Variants in CSMD1 observed in about 807,000 individuals in gnomAD.
CSMD1 encodes the protein CUB and sushi domain-containing protein 1.
Under a neutral mutation model 417.5 loss-of-function variants are expected in CSMD1, and 213 were observed. That is an observed-to-expected ratio of 0.51 (90% confidence interval 0.46 to 0.57). The LOEUF is 0.57. Among genes scored for constraint, CSMD1 ranks in the 20% least tolerant of loss-of-function variants. The probability of loss-of-function intolerance (pLI) is 0.00; values close to 1 mark genes in which losing one functional copy is unlikely to be tolerated. For missense variants in CSMD1, 6,923 were observed against 4,529.7 expected (o/e 1.53, Z -15.17); for synonymous variants, 2,862 against 1,736.8 (o/e 1.65, Z -16.11).
chr8:4,038,745 G>A (rs190207342), intron 3 of CSMD1, among the ~76,000 whole-genome samples: 5 of 152,310 alleles, frequency 3.3e-5, no homozygotes, highest in Non-Finnish European at 7.3e-5. Flanking sequence ...TGCGCCCAAT[G>A]CAGACATTTG....
intron 3 of CSMD1, among the ~76,000 whole-genome samples, chr8:4,401,951 T>C (rs903492898): frequency 7.9e-5 from 12 of 152,116 alleles, no homozygotes; most frequent in Admixed American, 7.2e-4. Flanking sequence ...CTCCCGTGCA[T>C]TTGATACACT....
At chr8:4,824,453 A>G (rs1799699431) in intron 1 of CSMD1, among the ~76,000 whole-genome samples, 1 of 152,170 alleles carries the variant, frequency 6.6e-6, no homozygotes, top group Non-Finnish European at 1.5e-5. Context: ...GTATAATTAA[A>G]GAAGACTATT....
intron 6 of CSMD1, among the ~76,000 whole-genome samples, chr8:3,713,018 G>A (rs1223547355): frequency 2.6e-5 from 4 of 152,006 alleles, no homozygotes; most frequent in Non-Finnish European, 4.4e-5. Flanking sequence ...AAACCAAGAA[G>A]TATGTGAGGT....
At chr8:4,540,435 G>T (rs1444948176) in intron 2 of CSMD1, among the ~76,000 whole-genome samples, 2 of 152,158 alleles carry the variant, frequency 1.3e-5, no homozygotes, top group Non-Finnish European at 2.9e-5. Context: ...GGGTGCAGTG[G>T]CTCATGCCTG....
At chr8:3,218,583 T>G (rs1489599598) in intron 29 of CSMD1, among the ~76,000 whole-genome samples, 1 of 129,046 alleles carries the variant, frequency 7.7e-6, no homozygotes, top group Non-Finnish European at 1.7e-5. Flanking sequence ...AAAAAGAAAT[T>G]ATTTTTGGCT....
At position 4,467,609 on chromosome 8, in the gene CSMD1, A is replaced by G. The variant is rs117218609; in HGVS notation, c.303-47544T>C. ...CTCCCTTTTCAAGAGTCAGTGCATT[A>G]TAACAATTCTTTTCAGTTTTCTGAA... is the stretch of plus-strand genomic sequence containing the variant. On this transcript the variant is annotated intron_variant, in intron 2 of 69. Transcript: ENST00000635120. 8.1e-4 allele frequency among the ~76,000 whole-genome samples: 124 copies of G among 152,350 alleles called. 2 individuals are homozygous for G. Among genetic ancestry groups the G allele is most frequent in the African/African-American group, 2.7e-3 (111 of 41,578 alleles).
intron 1 of CSMD1, among the ~76,000 whole-genome samples, chr8:4,729,667 C>A (rs1481487925): frequency 6.6e-6 from 1 of 152,160 alleles, no homozygotes; most frequent in African/African-American, 2.4e-5. Flanking sequence ...TATTTGGCAA[C>A]AGAAGACTAG....
At chr8:4,148,839 C>A (rs1357217801) in intron 3 of CSMD1, among the ~76,000 whole-genome samples, 1 of 152,200 alleles carries the variant, frequency 6.6e-6, no homozygotes, top group South Asian at 2.1e-4. Flanking sequence ...CTGCCTTTGG[C>A]TTGTGTCCTG....
chr8:4,896,892 C>T lies in CSMD1; in HGVS notation c.85+97440G>A, dbSNP rs773238955. On this transcript the variant is annotated intron_variant, in intron 1 of 69. Transcript: ENST00000635120. ...CACTGTCCAAGGCAGGAAAAAGTAACAGTATCTTGGGCTCCTTTATTCTTC... is the reference window on the plus strand; with the variant it reads ...CACTGTCCAAGGCAGGAAAAAGTAATAGTATCTTGGGCTCCTTTATTCTTC... Among the ~76,000 whole-genome samples the T allele has an allele frequency of 6.0e-4, 91 of 152,186 alleles. 2 individuals are homozygous for T. Among genetic ancestry groups the T allele is most frequent in the African/African-American group, 2.1e-3 (88 of 41,456 alleles).
chr8:3,959,299 T>A (rs990163350), intron 5 of CSMD1, among the ~76,000 whole-genome samples: 7 of 152,112 alleles, frequency 4.6e-5, no homozygotes, highest in Non-Finnish European at 8.8e-5. Context: ...AAATGTGGGA[T>A]CAGCCTGGGC....
At chr8:3,652,894 T>C (rs569270934) in intron 7 of CSMD1, among the ~76,000 whole-genome samples, 165 of 152,316 alleles carry the variant, frequency 1.1e-3, no homozygotes, top group Admixed American at 2.6e-3. Context: ...AATACATATT[T>C]AATGAATGAA....
At chr8:4,082,318 GAT>G (rs1183946679) in intron 3 of CSMD1, among the ~76,000 whole-genome samples, 1 of 152,098 alleles carries the variant, frequency 6.6e-6, no homozygotes, top group Non-Finnish European at 1.5e-5. Flanking sequence ...TTTAATATTT[GAT>G]ATTACAAACT....
intron 1 of CSMD1, among the ~76,000 whole-genome samples, chr8:4,880,040 G>C (rs1037161931): frequency 2.0e-5 from 3 of 151,932 alleles, no homozygotes; most frequent in East Asian, 1.9e-4. Context: ...AGTATTTTTG[G>C]CTTTAAAAGT....
chr8:4,300,186 TG>T (rs1243561266), intron 3 of CSMD1, among the ~76,000 whole-genome samples: 6 of 152,226 alleles, frequency 3.9e-5, no homozygotes, highest in African/African-American at 2.4e-5. Context: ...ATTTCCTTTT[TG>T]CCTATCTCAC....
chr8:3,775,554 C>T (rs1388511756), intron 5 of CSMD1, among the ~76,000 whole-genome samples: 4 of 152,100 alleles, frequency 2.6e-5, no homozygotes, highest in Admixed American at 6.5e-5. Context: ...TTTACAAGAG[C>T]GCAACTTCAA....
At position 4,013,535 on chromosome 8, in the gene CSMD1, T is replaced by C. The variant is rs931610638; in HGVS notation, c.611-15425A>G. On this transcript the variant is annotated intron_variant, in intron 4 of 69. Coordinates refer to ENST00000635120, the MANE Select transcript of CSMD1 (RefSeq NM_033225.6). ...ACCAGGCAGATGGTCACCATAGCTC[T>C]TAATTACATGTCAGCTTCTCAGTGA... 3.9e-4 allele frequency among the ~76,000 whole-genome samples: 60 copies of C among 152,300 alleles called. 1 individual carries two copies. The highest frequency in any genetic ancestry group is 1.4e-3 in the African/African-American group (57 of 41,538).
intron 3 of CSMD1, among the ~76,000 whole-genome samples, chr8:4,280,328 C>G (rs1455641724): frequency 6.6e-6 from 1 of 152,056 alleles, no homozygotes; most frequent in African/African-American, 2.4e-5. Context: ...GGATATGTTA[C>G]CACGTTCTGA....
intron 1 of CSMD1, among the ~76,000 whole-genome samples, chr8:4,826,401 G>T (rs921661978): frequency 3.9e-5 from 6 of 152,118 alleles, no homozygotes; most frequent in African/African-American, 1.4e-4. Flanking sequence ...CAACAGCATG[G>T]ATGAGCCTGG....
At chr8:4,480,074 A>T (rs535756296) in intron 2 of CSMD1, among the ~76,000 whole-genome samples, 1 of 152,082 alleles carries the variant, frequency 6.6e-6, no homozygotes, top group East Asian at 1.9e-4. Flanking sequence ...CTGTTAGAGA[A>T]GTTTGAAGTA....
Sources: gnomAD v4.1 joint callset for allele counts (sites outside exome capture counted in the v4.1 genomes callset) on GRCh38, gnomAD v4.1.1 for gene constraint, MANE v1.5 for transcripts, NCBI Gene and HGNC (gene_info 2026-07-23, HGNC 2026-07-21) for gene names.